The following CHST8 variants were observed in gnomAD, a reference collection of about 807,000 sequenced individuals.
CHST8 encodes the protein carbohydrate sulfotransferase 8.
CHST8 carries 10 observed loss-of-function variants against 15.0 expected under a neutral mutation model. The ratio of observed to expected loss-of-function variants is 0.67; its 90% CI spans 0.41 to 1.13. The LOEUF is 1.13. Among genes scored for constraint, CHST8 ranks in the 50% most tolerant of loss-of-function variants. CHST8 has a pLI of 0.00. For synonymous variants in CHST8, 259 were observed against 256.6 expected, an observed-to-expected ratio of 1.01 and a Z score of -0.09; for missense variants, 634 against 608.2, an observed-to-expected ratio of 1.04 and a Z score of -0.45.
intron 3 of CHST8, among the ~76,000 whole-genome samples, chr19:33,738,937 A>G (rs1310425010): frequency 6.6e-6 from 1 of 152,088 alleles, no homozygotes; most frequent in Non-Finnish European, 1.5e-5. Context: ...GTGGCTAGAG[A>G]GGGAGATGGT....
intron 3 of CHST8, among the ~76,000 whole-genome samples, chr19:33,698,132 C>G (rs1973257300): frequency 6.6e-6 from 1 of 152,138 alleles, no homozygotes; most frequent in Non-Finnish European, 1.5e-5. Flanking sequence ...CAAAAATAAG[C>G]CGGGCGTGAT....
chr19:33,761,338 T>C (rs557248585), intron 3 of CHST8, among the ~76,000 whole-genome samples: 46 of 151,980 alleles, frequency 3.0e-4, no homozygotes, highest in African/African-American at 1.1e-3. Flanking sequence ...TATGAATTTT[T>C]TTTTTTTCTG....
At chr19:33,766,702 G>A (rs996222524) in intron 3 of CHST8, among the ~76,000 whole-genome samples, 2 of 152,208 alleles carry the variant, frequency 1.3e-5, no homozygotes, top group Non-Finnish European at 2.9e-5. Flanking sequence ...AGATGCAGTC[G>A]GGACCTTGCC....
intron 1 of CHST8, among the ~76,000 whole-genome samples, chr19:33,641,050 C>A (rs569615757): frequency 2.6e-5 from 4 of 152,308 alleles, no homozygotes; most frequent in Admixed American, 1.3e-4. Flanking sequence ...AAGGTCCCTC[C>A]CAGCACCAGA....
chr19:33,622,489 G>A (rs2145427286), intron 1 of CHST8, among the ~76,000 whole-genome samples, 193 bp downstream of exon 1: 1 of 152,318 alleles, frequency 6.6e-6, no homozygotes, highest in East Asian at 1.9e-4. Flanking sequence ...GCACTTTGGG[G>A]ACCGGCCCCG....
chr19:33,739,054 C>A (rs1041674901), intron 3 of CHST8, among the ~76,000 whole-genome samples: 1 of 152,124 alleles, frequency 6.6e-6, no homozygotes, highest in Admixed American at 6.5e-5. Context: ...AGGCAAAACT[C>A]CCCCGCCCTC....
chr19:33,711,084 C>T lies in CHST8; in HGVS notation c.130+21693C>T, dbSNP rs994568281. ...GAGGCATCTCACTATATTATCTAGG[C>T]TGGTCTTGAACTCCTGATATCAAGC... On this transcript the variant is annotated intron_variant, in intron 3 of 4. Coordinates refer to ENST00000650847, the MANE Select transcript of CHST8 (RefSeq NM_001127895.2). Among the ~76,000 whole-genome samples the T allele has an allele frequency of 3.4e-4, 52 of 152,092 alleles. 1 individual carries two copies. Among genetic ancestry groups the T allele is most frequent in the African/African-American group, 1.2e-3 (51 of 41,382 alleles).
chr19:33,672,053 A>G (rs1972744902), intron 2 of CHST8, among the ~76,000 whole-genome samples: 1 of 152,174 alleles, frequency 6.6e-6, no homozygotes, highest in Non-Finnish European at 1.5e-5. Context: ...GTGTGCATAT[A>G]TATACACATA....
intron 2 of CHST8, among the ~76,000 whole-genome samples, chr19:33,686,394 C>T (rs538738371): frequency 5.9e-5 from 9 of 152,098 alleles, no homozygotes; most frequent in Admixed American, 1.3e-4. Context: ...GACAGGTCTT[C>T]GCTGCAGACC....
At chr19:33,745,978 C>T (rs1974306782) in intron 3 of CHST8, among the ~76,000 whole-genome samples, 1 of 152,220 alleles carries the variant, frequency 6.6e-6, no homozygotes, top group Non-Finnish European at 1.5e-5. Flanking sequence ...CTAAGGTTTA[C>T]TTGACTGGGG....
chr19:33,695,066 C>T (rs944005089), intron 3 of CHST8, among the ~76,000 whole-genome samples: 36 of 152,032 alleles, frequency 2.4e-4, no homozygotes, highest in African/African-American at 6.8e-4. Flanking sequence ...AGTGATCCTC[C>T]TACCTGAGCC....
At chr19:33,769,827 C>G (rs1179665821) in intron 3 of CHST8, among the ~76,000 whole-genome samples, 2 of 152,100 alleles carry the variant, frequency 1.3e-5, no homozygotes, top group African/African-American at 2.4e-5. Flanking sequence ...TGCACATAAG[C>G]TTGGGAGTGC....
chr19:33,709,551 A>G (rs1973510311), intron 3 of CHST8, among the ~76,000 whole-genome samples: 1 of 152,116 alleles, frequency 6.6e-6, no homozygotes, highest in Non-Finnish European at 1.5e-5. Flanking sequence ...TTCTTGTGAT[A>G]AATCTCACTT....
At position 33,772,257 on chromosome 19, in the gene CHST8, A is replaced by C. The variant is rs780854499; in HGVS notation, c.469A>C (p.Lys157Gln). The stretch of plus-strand genomic sequence containing the variant: ...CCTGCACCGGAGCCAGCAGGAGCGC[A>C]AGCGGGTGATGCAGGAGGCCTGCGC... ...VSLHRSQQER[K>Q]RVMQEACAKY... Residue 157 changes from lysine (K) to glutamine (Q), a missense_variant, in exon 5 of 5, where the codon AAG becomes CAG. By Grantham distance (53) the Lys-to-Gln change is moderately conservative (BLOSUM62 1). Transcript: ENST00000650847. The C allele has an allele frequency of 6.2e-7, 1 of 1,600,510 alleles. No individual in the cohort carries two copies. Among genetic ancestry groups the C allele is most frequent in the Non-Finnish European group, 8.5e-7 (1 of 1,178,400 alleles).
intron 3 of CHST8, among the ~76,000 whole-genome samples, chr19:33,757,460 A>AAG (rs1568358502): frequency 2.6e-5 from 1 of 39,110 alleles, no homozygotes; most frequent in African/African-American, 1.0e-4. Flanking sequence ...GAAAGAAAGA[A>AAG]AGAAAGAAAG....
intron 3 of CHST8, among the ~76,000 whole-genome samples, chr19:33,745,579 G>A (rs796579321): frequency 4.0e-4 from 61 of 152,344 alleles, no homozygotes; most frequent in African/African-American, 1.4e-3. Context: ...AAGAAGTGCA[G>A]GAGGTGAATT....
chr19:33,701,066 A>T (rs896938260), intron 3 of CHST8, among the ~76,000 whole-genome samples: 1 of 151,944 alleles, frequency 6.6e-6, no homozygotes, highest in African/African-American at 2.4e-5. Flanking sequence ...CTGCTGTTTG[A>T]GGGTGGGGGT....
chr19:33,735,863 C>G (rs148386478), intron 3 of CHST8, among the ~76,000 whole-genome samples: 103 of 152,338 alleles, frequency 6.8e-4, no homozygotes, highest in African/African-American at 2.5e-3. Context: ...CATTCCCCAC[C>G]TTTTACCAGA....
chr19:33,623,598 C>T (rs1311170172), intron 1 of CHST8, among the ~76,000 whole-genome samples: 1 of 152,180 alleles, frequency 6.6e-6, no homozygotes, highest in Non-Finnish European at 1.5e-5. Context: ...CCTGGGTAAC[C>T]TTTCTCTTCT....
Sources: allele counts gnomAD v4.1 joint callset (sites outside exome capture counted in the v4.1 genomes callset), GRCh38; gene constraint gnomAD v4.1.1; transcripts MANE v1.5; gene names NCBI Gene and HGNC (gene_info 2026-07-23, HGNC 2026-07-21).